The following OVCH1 variants were observed in gnomAD, a reference collection of about 807,000 sequenced individuals.
The protein encoded by OVCH1 is ovochymase 1, also known as ovochymase-1.
In OVCH1, 139 loss-of-function variants were observed where a neutral mutation model predicts 138.4. That is an observed-to-expected ratio of 1.00 (90% CI 0.87 to 1.16). The LOEUF is 1.16. Among genes scored for constraint, OVCH1 ranks in the 50% most tolerant of loss-of-function variants. The pLI is 0.00. For synonymous variants in OVCH1, 453 were observed against 467.8 expected, an observed-to-expected ratio of 0.97 and a Z score of 0.41; for missense variants, 1,367 against 1,357.9, an observed-to-expected ratio of 1.01 and a Z score of -0.11.
chr12:29,477,687 T>C (rs895007290), intron 9 of OVCH1: 20 of 1,260,918 alleles, frequency 1.6e-5, no homozygotes, highest in East Asian at 1.5e-4. Context: ...CATGTCCAAA[T>C]TCTACTTATT....
Position 29,480,559 on chromosome 12 carries a change from G to C in OVCH1, c.996-1651C>G, listed in dbSNP as rs144846392. Among the ~76,000 whole-genome samples the C allele has an allele frequency of 1.7e-4, 26 of 152,298 alleles. 1 individual carries two copies. The East Asian group carries it at 5.0e-3, about 29-fold the overall frequency. On this transcript the variant is annotated intron_variant, in intron 8 of 27. Coordinates refer to ENST00000318184, the Ensembl canonical transcript of OVCH1. ...TCTGGTCAAGCTAAGTGAGAGAGGGGTCCCCAAACTAACCATTGATCTATT... is the reference window on the plus strand; with the variant it reads ...TCTGGTCAAGCTAAGTGAGAGAGGGCTCCCCAAACTAACCATTGATCTATT...
chr12:29,413,836 G>A (rs2054821523), intron 3 of OVCH1, among the ~76,000 whole-genome samples: 1 of 151,794 alleles, frequency 6.6e-6, no homozygotes, highest in Non-Finnish European at 1.5e-5. Context: ...TAAACTCTTT[G>A]AAGTATAAAT....
At chr12:29,423,495 A>G (rs1336253030), downstream of OVCH1, among the ~76,000 whole-genome samples, 2 of 152,206 alleles carry the variant, frequency 1.3e-5, no homozygotes, top group African/African-American at 4.8e-5. Flanking sequence ...CTTTTAAAAG[A>G]TCAAAGGGAA....
chr12:29,425,392 C>G (rs75619241), downstream of OVCH1, among the ~76,000 whole-genome samples: 6,592 of 152,250 alleles, frequency 0.043, 441 homozygotes, highest in African/African-American at 0.14. Context: ...ACAGAGTTTA[C>G]TCTAAAATAA....
chr12:29,496,694 T>C lies in OVCH1; in HGVS notation c.65-20A>G. 11 of 1,552,944 alleles carry C rather than the reference T, an allele frequency of 7.1e-6. No homozygotes were observed. Among genetic ancestry groups the C allele is most frequent in the Non-Finnish European group, 9.7e-6 (11 of 1,130,752 alleles). Reference sequence around the variant, plus strand: ...TCAGTCCTGTGTAGAAGAGCATGTGTGTGTGCACACACAGAGCCTTATGTA... The same window carrying C: ...TCAGTCCTGTGTAGAAGAGCATGTGCGTGTGCACACACAGAGCCTTATGTA... On this transcript the variant is annotated intron_variant, in intron 1 of 27. Transcript: ENST00000318184.
exon 6 of OVCH1, chr12:29,489,753 A>C: frequency 1.2e-6 from 2 of 1,610,502 alleles, no homozygotes; most frequent in Non-Finnish European, 1.7e-6. Flanking sequence ...TTCTTGTAGG[A>C]CATTTGAATA....
At chr12:29,404,993 G>A in the OVCH1 span, among the ~76,000 whole-genome samples, 2 of 119,450 alleles carry the variant, frequency 1.7e-5, no homozygotes, top group Non-Finnish European at 3.2e-5. Flanking sequence ...TTGTACTCCA[G>A]CCCAGGAGAT....
exon 10 of OVCH1, chr12:29,477,565 G>A (rs1391676136): frequency 1.2e-6 from 2 of 1,613,670 alleles, no homozygotes; most frequent in African/African-American, 2.7e-5. Flanking sequence ...CGTCTTCCAT[G>A]AGAGATCTCT....
downstream of OVCH1, among the ~76,000 whole-genome samples, chr12:29,408,209 T>C (rs919312293): frequency 7.9e-6 from 1 of 126,622 alleles, no homozygotes; most frequent in African/African-American, 2.5e-5. Flanking sequence ...GATTTTGGGC[T>C]GAGACAATGG....
chr12:29,431,044 C>T (rs1170679965), intron 27 of OVCH1: 2 of 335,998 alleles, frequency 6.0e-6, no homozygotes, highest in African/African-American at 4.3e-5. Context: ...GGTCAATACA[C>T]CCAATTAAAC....
At chr12:29,472,895 A>G in intron 15 of OVCH1, 134 bp downstream of exon 15, 1 of 715,368 alleles carries the variant, frequency 1.4e-6, no homozygotes, top group Non-Finnish European at 2.3e-6. Context: ...TGGACGTTTT[A>G]TGGACCTAAA....
intron 9 of OVCH1, among the ~76,000 whole-genome samples, 179 bp downstream of exon 10, chr12:29,478,656 A>AT (rs201879188): frequency 0.022 from 3,420 of 152,156 alleles, 46 homozygotes; most frequent in Middle Eastern, 0.041. Flanking sequence ...AAGAAATTTT[A>AT]TTTTTTTATT....
intron 7 of OVCH1, chr12:29,487,211 A>T (rs1943136091): frequency 5.1e-6 from 1 of 194,774 alleles, no homozygotes; most frequent in Non-Finnish European, 1.1e-5. Flanking sequence ...TGCAGACGAC[A>T]GGTTTGGTAT....
intron 27 of OVCH1, among the ~76,000 whole-genome samples, chr12:29,432,338 A>T (rs967039236): frequency 6.6e-6 from 1 of 152,228 alleles, no homozygotes; most frequent in Non-Finnish European, 1.5e-5. Flanking sequence ...AATTGTTCAG[A>T]AGTAGTAGCA....
downstream of OVCH1, among the ~76,000 whole-genome samples, chr12:29,409,843 G>A (rs1309493770): frequency 6.6e-6 from 1 of 152,124 alleles, no homozygotes; most frequent in Non-Finnish European, 1.5e-5. Flanking sequence ...GCAGAGCTGA[G>A]TTCAATTCCT....
intron 19 of OVCH1, among the ~76,000 whole-genome samples, chr12:29,460,085 T>C (rs1289643022): frequency 1.3e-5 from 2 of 152,166 alleles, no homozygotes; most frequent in African/African-American, 2.4e-5. Context: ...CAACTTCCAG[T>C]TTTCCTCCCA....
chr12:29,468,030 T>C (rs1278952868), intron 16 of OVCH1, among the ~76,000 whole-genome samples: 2 of 152,134 alleles, frequency 1.3e-5, no homozygotes, highest in Non-Finnish European at 2.9e-5. Flanking sequence ...TAGGCAACTG[T>C]GAAGTATTAA....
At chr12:29,448,422 G>A (rs1053661382) in intron 22 of OVCH1, among the ~76,000 whole-genome samples, 1 of 151,872 alleles carries the variant, frequency 6.6e-6, no homozygotes, top group Non-Finnish European at 1.5e-5. Flanking sequence ...CATCAGTCAA[G>A]GTTGGTCTCA....
chr12:29,427,675 A>G (rs1257627727), intron 27 of OVCH1: 6 of 1,546,530 alleles, frequency 3.9e-6, no homozygotes, highest in Non-Finnish European at 3.5e-6. Flanking sequence ...TGTTGTTTGG[A>G]AACCACTCAG....
Sources: gnomAD v4.1 joint callset for allele counts (sites outside exome capture counted in the v4.1 genomes callset) on GRCh38, gnomAD v4.1.1 for gene constraint, MANE v1.5 for transcripts, NCBI Gene and HGNC (gene_info 2026-07-23, HGNC 2026-07-21) for gene names.